ANK3: variants seen among roughly 807,000 people sequenced by gnomAD.
ANK3 encodes the protein ankyrin-3.
Under a neutral mutation model 370.9 loss-of-function variants are expected in ANK3, and 57 were observed. The observed-to-expected ratio is 0.15, with a 90% CI of 0.12 to 0.19. ANK3 has a LOEUF of 0.19. ANK3 is among the 10% of genes least tolerant of loss of function. The pLI, the probability that ANK3 is intolerant of heterozygous loss-of-function variation, is 1.00. For missense variants in ANK3, 4,439 were observed against 5,302.1 expected (o/e 0.84, Z 5.06); for synonymous variants, 1,929 against 1,946.3 (o/e 0.99, Z 0.23).
At chr10:60,335,150 G>A (rs140172622) in intron 1 of ANK3, among the ~76,000 whole-genome samples, 4 of 152,116 alleles carry the variant, frequency 2.6e-5, no homozygotes, top group Admixed American at 6.6e-5. Flanking sequence ...TACAATCCAC[G>A]GTATGGAATG....
In ANK3 at chr10:60,240,306, A is replaced by ATATTTT. The variant is rs11282162; in HGVS notation, c.799-5521_799-5520insAAAATA. ...CATATATATATATATATATATATAT[A>ATATTTT]TTTTTTTTTCTTTTTGAGATAGAGT... On this transcript the variant is annotated intron_variant, in intron 7 of 43. Coordinates refer to ENST00000280772, the MANE Select transcript of ANK3 (RefSeq NM_020987.5). Among the ~76,000 whole-genome samples the ATATTTT allele has an allele frequency of 4.2e-3, 504 of 119,742 alleles. 24 individuals carry two copies. The highest frequency in any genetic ancestry group is 0.011 in the South Asian group (43 of 3,902). The allele number at this position is 119,742 out of a possible 152,430, so 78.6% of individuals were successfully genotyped here.
chr10:60,710,859 A>G (rs1564602134), intron 1 of ANK3, among the ~76,000 whole-genome samples: 2 of 152,226 alleles, frequency 1.3e-5, no homozygotes, highest in African/African-American at 4.8e-5. Context: ...TATCAAGGAC[A>G]GGGGAAGGTT....
intron 1 of ANK3, among the ~76,000 whole-genome samples, chr10:60,353,616 AG>A (rs972479713): frequency 1.3e-5 from 2 of 152,200 alleles, no homozygotes; most frequent in Admixed American, 6.5e-5. Flanking sequence ...CCACTGCCCC[AG>A]CTGAACAGCC....
intron 1 of ANK3, among the ~76,000 whole-genome samples, chr10:60,322,438 G>A (rs2048868467): frequency 6.6e-6 from 1 of 151,648 alleles, no homozygotes; most frequent in Non-Finnish European, 1.5e-5. Flanking sequence ...GCCAGTGCTG[G>A]CTATAGTTAA....
intron 1 of ANK3, among the ~76,000 whole-genome samples, chr10:60,326,421 G>A (rs1169090403): frequency 6.6e-6 from 1 of 152,178 alleles, no homozygotes; most frequent in Non-Finnish European, 1.5e-5. Context: ...AATTTTCAGT[G>A]AGAGCCCGTA....
At chr10:60,358,438 C>A (rs550160855) in intron 1 of ANK3, among the ~76,000 whole-genome samples, 1 of 152,138 alleles carries the variant, frequency 6.6e-6, no homozygotes, top group Non-Finnish European at 1.5e-5. Flanking sequence ...CCTGGTCTTT[C>A]CCCTGCCTCA....
chr10:60,590,620 C>T lies in ANK3; in HGVS notation c.96+24566G>A, dbSNP rs78885952. ...CTGCAGTAACATCATAAGTATAGTT[C>T]ATGAGTCTTTTGCCCAGCCTTTCTC... On this transcript the variant is annotated intron_variant, in intron 2 of 43. Coordinates refer to the ANK3 transcript ENST00000373827. 7.8e-3 allele frequency among the ~76,000 whole-genome samples: 1,183 copies of T among 152,292 alleles called. 10 individuals carry two copies. Among genetic ancestry groups the T allele is most frequent in the Non-Finnish European group, 0.013 (873 of 68,022 alleles).
intron 2 of ANK3, among the ~76,000 whole-genome samples, chr10:60,614,094 T>C (rs559458251): frequency 1.1e-4 from 17 of 152,142 alleles, no homozygotes; most frequent in African/African-American, 4.1e-4. Flanking sequence ...AATTCAAGTG[T>C]ACCACAGAAT....
intron 7 of ANK3, among the ~76,000 whole-genome samples, chr10:60,260,359 C>T (rs538565655): frequency 9.8e-5 from 15 of 152,292 alleles, no homozygotes; most frequent in African/African-American, 3.6e-4. Context: ...GGAAAGACTT[C>T]AGAAATGATA....
chr10:60,138,819 T>C, intron 24 of ANK3, 145 bp downstream of exon 24: 1 of 976,562 alleles, frequency 1.0e-6, no homozygotes, highest in Non-Finnish European at 1.5e-6. Flanking sequence ...AGAGCATGTG[T>C]ATTTGCGTCG....
chr10:60,456,643 A>G (rs1056999959), intron 2 of ANK3, among the ~76,000 whole-genome samples: 3 of 152,134 alleles, frequency 2.0e-5, no homozygotes, highest in Admixed American at 6.6e-5. Context: ...GTGATCATCA[A>G]TAGGATGGTC....
intron 7 of ANK3, among the ~76,000 whole-genome samples, chr10:60,238,915 T>C (rs1278710949): frequency 6.6e-6 from 1 of 151,772 alleles, no homozygotes; most frequent in Non-Finnish European, 1.5e-5. Context: ...ACAACATGCA[T>C]GAAAAATAGG....
chr10:60,284,089 A>C lies in ANK3; in HGVS notation c.115-4450T>G, dbSNP rs148332355. ...GGGATTAGAATGGGCCCAAAATCCA[A>C]TGACTGGTGACCTTATAAGAAGAGA... On this transcript the variant is annotated intron_variant, in intron 1 of 43. Transcript: ENST00000280772. Among the ~76,000 whole-genome samples the C allele has an allele frequency of 1.3e-3, 200 of 152,216 alleles. 2 individuals are homozygous for C. The highest frequency in any genetic ancestry group is 4.4e-3 in the African/African-American group (182 of 41,546).
chr10:60,589,648 A>T (rs1266179936), intron 2 of ANK3, among the ~76,000 whole-genome samples: 1 of 152,220 alleles, frequency 6.6e-6, no homozygotes. Context: ...TTCATTCCAT[A>T]GAAACAACAA....
intron 1 of ANK3, among the ~76,000 whole-genome samples, chr10:60,617,596 T>G (rs1289989935): frequency 6.6e-6 from 1 of 152,204 alleles, no homozygotes; most frequent in Non-Finnish European, 1.5e-5. Flanking sequence ...ACAGCATAAG[T>G]GCTTGATTAA....
Position 60,070,240 on chromosome 10 carries a change from A to G in ANK3, c.10641T>C (p.Asn3547=). ...CAAAAACTTCATCATCCCCTCGGTT[A>G]TTAGACCAAGGGTCAAAATCTAGAC... ...TKGLDFDPWS[N]NRGDDEVFDS... is the part of the protein sequence containing the mutation. Residue 3547 remains asparagine, a synonymous_variant, in exon 37 of 44, where the codon AAT becomes AAC. Coordinates refer to ENST00000280772, the MANE Select transcript of ANK3 (RefSeq NM_020987.5). This position sits in a 1 kb window ranked among gnomAD's most constrained non-coding sequence, Gnocchi z 5.7. 1 of 1,614,114 alleles carries G rather than the reference A, an allele frequency of 6.2e-7. No individual in the cohort carries two copies. Among genetic ancestry groups the G allele is most frequent in the Non-Finnish European group, 8.5e-7 (1 of 1,179,980 alleles).
At chr10:60,697,200 T>C (rs990848951) in intron 1 of ANK3, among the ~76,000 whole-genome samples, 37 of 149,806 alleles carry the variant, frequency 2.5e-4, no homozygotes, top group Non-Finnish European at 2.9e-4. Flanking sequence ...TTACAAGGGA[T>C]GTGAAGGACC....
At chr10:60,574,847 A>G (rs540432879) in intron 2 of ANK3, among the ~76,000 whole-genome samples, 10 of 152,310 alleles carry the variant, frequency 6.6e-5, no homozygotes, top group Non-Finnish European at 1.3e-4. Context: ...ACATCCACCT[A>G]AAGTAATTTG....
rs34525147 is a variant in ANK3 at position 60,289,264 on chromosome 10, CTTTTTTTTT to C, written c.115-9634_115-9626del. Among the ~76,000 whole-genome samples, 19 of 134,546 alleles carry C rather than the reference CTTTTTTTTT, an allele frequency of 1.4e-4. No individual in the cohort carries two copies. The South Asian group carries it at 4.1e-3, about 29-fold the overall frequency. 88.3% of individuals were successfully genotyped at this position (134,546 alleles called of 152,430 possible). A position where few individuals can be genotyped will look rare whatever the true frequency, so the allele number is the denominator to read the frequency against. On this transcript the variant is annotated intron_variant, in intron 1 of 43. Coordinates refer to ENST00000280772, the MANE Select transcript of ANK3 (RefSeq NM_020987.5). The stretch of plus-strand genomic sequence containing the variant: ...CGACCCTTTTTCATCTATGCCCTGC[CTTTTTTTTT>C]TTTTTTTTTAAAGAGATGGGGTCTT...
Sources: allele counts gnomAD v4.1 joint callset (sites outside exome capture counted in the v4.1 genomes callset), GRCh38; gene constraint gnomAD v4.1.1; non-coding constraint Gnocchi (gnomAD v3.1); transcripts MANE v1.5; gene names NCBI Gene and HGNC (gene_info 2026-07-23, HGNC 2026-07-21).